NLGN1: variants seen among roughly 807,000 people sequenced by gnomAD.
The protein encoded by NLGN1 is neuroligin 1.
NLGN1 carries 12 observed loss-of-function variants against 65.5 expected under a neutral mutation model. The observed-to-expected ratio is 0.18, with a 90% CI of 0.12 to 0.30. The LOEUF (loss-of-function observed/expected upper bound fraction) is 0.30. Ranked by LOEUF, NLGN1 falls within the 10% of genes least tolerant of loss-of-function variation. The pLI is 1.00. For missense variants in NLGN1, 750 were observed against 1,007.1 expected (o/e 0.74, Z 3.46); for synonymous variants, 350 against 359.5 (o/e 0.97, Z 0.30).
chr3:174,050,845 G>A (rs963496762), intron 4 of NLGN1, among the ~76,000 whole-genome samples: 1 of 152,038 alleles, frequency 6.6e-6, no homozygotes, highest in African/African-American at 2.4e-5. Context: ...ATGAGGACTA[G>A]AGGTATTTCT....
intron 2 of NLGN1, among the ~76,000 whole-genome samples, chr3:173,590,184 A>C (rs1230442681): frequency 1.3e-5 from 2 of 152,158 alleles, no homozygotes; most frequent in African/African-American, 4.8e-5. Context: ...AAAGGAATAA[A>C]AGTTCACTTC....
intron 4 of NLGN1, among the ~76,000 whole-genome samples, chr3:174,044,378 A>G (rs1733051501): frequency 6.6e-6 from 1 of 152,104 alleles, no homozygotes; most frequent in African/African-American, 2.4e-5. Flanking sequence ...CCAGGCTGCA[A>G]ACCTTCCAAA....
At chr3:174,069,928 C>T (rs1739449565) in intron 4 of NLGN1, among the ~76,000 whole-genome samples, 1 of 152,122 alleles carries the variant, frequency 6.6e-6, no homozygotes, top group Non-Finnish European at 1.5e-5. Context: ...ATCTCAGTAA[C>T]CACATCTGTA....
intron 3 of NLGN1, among the ~76,000 whole-genome samples, chr3:173,664,740 T>C (rs1361936812): frequency 6.6e-6 from 1 of 152,096 alleles, no homozygotes; most frequent in African/African-American, 2.4e-5. Context: ...AGAGATGAGA[T>C]TACTGAGTCG....
intron 4 of NLGN1, among the ~76,000 whole-genome samples, chr3:173,955,233 C>CA: frequency 6.6e-6 from 1 of 152,166 alleles, no homozygotes; most frequent in East Asian, 1.9e-4. Flanking sequence ...ATAGGCCGTG[C>CA]AAAAATAAGT....
chr3:173,744,811 A>G (rs1560281905), intron 3 of NLGN1, among the ~76,000 whole-genome samples: 1 of 145,122 alleles, frequency 6.9e-6, no homozygotes, highest in African/African-American at 2.6e-5. Flanking sequence ...AGTGGTACTA[A>G]AAAAGCTGTT....
intron 2 of NLGN1, among the ~76,000 whole-genome samples, chr3:173,503,472 A>T (rs960148400): frequency 8.5e-5 from 13 of 152,140 alleles, no homozygotes; most frequent in Non-Finnish European, 2.9e-5. Context: ...TATTCTTGAC[A>T]TCTGATAATT....
intron 4 of NLGN1, among the ~76,000 whole-genome samples, chr3:174,217,806 G>A (rs776315579): frequency 7.2e-5 from 11 of 151,978 alleles, no homozygotes; most frequent in Non-Finnish European, 1.5e-4. Flanking sequence ...CAAGTAAGGC[G>A]TAACGACAGA....
chr3:173,830,016 G>T lies in NLGN1; in HGVS notation c.646+22184G>T, dbSNP rs1040421695. Among the ~76,000 whole-genome samples the T allele has an allele frequency of 4.9e-5, 7 of 142,636 alleles. 1 individual carries two copies. The highest frequency in any genetic ancestry group is 9.1e-5 in the Non-Finnish European group (6 of 66,042). 93.6% of individuals were successfully genotyped at this position (142,636 alleles called of 152,430 possible). A position where few individuals can be genotyped will look rare whatever the true frequency, so the allele number is the denominator to read the frequency against. ...ATTACAGTGGGTAGTGTGGGGGGGG[G>T]AGGGAGAGAATAAAAAGAAGTCTTT... On this transcript the variant is annotated intron_variant, in intron 4 of 6. Coordinates refer to ENST00000457714, the Ensembl canonical transcript of NLGN1.
intron 4 of NLGN1, among the ~76,000 whole-genome samples, chr3:173,820,120 A>G (rs969252009): frequency 4.1e-4 from 61 of 148,526 alleles, no homozygotes; most frequent in African/African-American, 1.5e-3. Flanking sequence ...CGGAGCTTGC[A>G]GTGAGCGGAG....
intron 4 of NLGN1, among the ~76,000 whole-genome samples, chr3:173,994,325 G>A (rs900651287): frequency 4.0e-5 from 6 of 151,666 alleles, no homozygotes; most frequent in African/African-American, 1.2e-4. Context: ...TCTCAAACTC[G>A]CTCAGGCTAT....
At chr3:173,469,795 T>C (rs761066827) in intron 2 of NLGN1, among the ~76,000 whole-genome samples, 2 of 152,052 alleles carry the variant, frequency 1.3e-5, no homozygotes, top group Non-Finnish European at 2.9e-5. Context: ...AATCTACATT[T>C]TGTGTTTTTC....
intron 3 of NLGN1, among the ~76,000 whole-genome samples, chr3:173,651,043 AT>A (rs1348547555): frequency 2.6e-5 from 4 of 151,964 alleles, no homozygotes; most frequent in Admixed American, 6.6e-5. Flanking sequence ...AATAATATAC[AT>A]TGTATCCATT....
At chr3:174,028,683 T>G (rs970255132) in intron 4 of NLGN1, among the ~76,000 whole-genome samples, 1 of 152,132 alleles carries the variant, frequency 6.6e-6, no homozygotes, top group Non-Finnish European at 1.5e-5. Context: ...CCTGATATTG[T>G]GATAGAAAAG....
At chr3:174,199,833 C>T (rs984300083) in intron 4 of NLGN1, among the ~76,000 whole-genome samples, 1 of 152,154 alleles carries the variant, frequency 6.6e-6, no homozygotes, top group African/African-American at 2.4e-5. Context: ...TAAAAAGACA[C>T]CCAATGGATG....
At chr3:173,596,713 A>G (rs985784172) in intron 2 of NLGN1, among the ~76,000 whole-genome samples, 1 of 152,202 alleles carries the variant, frequency 6.6e-6, no homozygotes, top group African/African-American at 2.4e-5. Flanking sequence ...TGGTCATGAC[A>G]TGGGTCCTAG....
At chr3:174,083,038 T>C (rs567389554) in intron 4 of NLGN1, among the ~76,000 whole-genome samples, 1 of 152,358 alleles carries the variant, frequency 6.6e-6, no homozygotes, top group Non-Finnish European at 1.5e-5. Flanking sequence ...TGTTTATTTT[T>C]TTCTACTTTA....
At chr3:173,786,981 G>A (rs931194188) in intron 3 of NLGN1, among the ~76,000 whole-genome samples, 1 of 152,016 alleles carries the variant, frequency 6.6e-6, no homozygotes, top group Non-Finnish European at 1.5e-5. Context: ...GGAGGCTGAG[G>A]CAGGAGAATC....
chr3:173,613,543 A>G (rs1028015041), intron 3 of NLGN1, among the ~76,000 whole-genome samples: 5 of 152,164 alleles, frequency 3.3e-5, no homozygotes, highest in African/African-American at 7.2e-5. Flanking sequence ...TGAATTTTAA[A>G]CATTTTATCC....
Sources: gnomAD v4.1 joint callset for allele counts (sites outside exome capture counted in the v4.1 genomes callset) on GRCh38, gnomAD v4.1.1 for gene constraint, MANE v1.5 for transcripts, NCBI Gene and HGNC (gene_info 2026-07-23, HGNC 2026-07-21) for gene names.